The following TMEM200B variants were observed in gnomAD, a reference collection of about 807,000 sequenced individuals.
TMEM200B encodes transmembrane protein TTMA.
A neutral mutation model predicts 17.6 loss-of-function variants in TMEM200B; 12 were observed. The observed-to-expected ratio is 0.68, with a 90% CI of 0.44 to 1.11. The LOEUF is 1.11. Among genes scored for constraint, TMEM200B ranks in the 50% least tolerant of loss-of-function variants. TMEM200B has a pLI of 0.00. For missense variants in TMEM200B, 456 were observed against 447.6 expected (o/e 1.02, Z -0.17); for synonymous variants, 234 against 209.2 (o/e 1.12, Z -1.02).
At chr1:29,123,282 C>A (rs1330419050) in intron 1 of TMEM200B, among the ~76,000 whole-genome samples, 1 of 152,214 alleles carries the variant, frequency 6.6e-6, no homozygotes. Flanking sequence ...GCCGGGGAGA[C>A]TGCCCGACCC....
rs1212890397 is a variant in TMEM200B at position 29,121,145 on chromosome 1, G to T, written c.684C>A (p.Gly228=). 6.2e-7 allele frequency: 1 copy of T among 1,613,720 alleles called. No homozygotes were observed. Among genetic ancestry groups the T allele is most frequent in the African/African-American group, 1.3e-5 (1 of 75,068 alleles). ...PALLNSYPLK[G]PGLPPPWGPR... ...GACCCCAGGGTGGGGGCAGCCCGGG[G>T]CCCTTCAGCGGGTAGCTGTTGAGCA... The change falls in exon 2 of 2, where the codon GGC becomes GGA. Residue 228 remains glycine, a synonymous_variant. Coordinates refer to ENST00000521452, the MANE Select transcript of TMEM200B (RefSeq NM_001003682.4). The surrounding 1 kb of genome is among the most constrained non-coding windows in gnomAD (Gnocchi z 5.6).
Position 29,120,793 on chromosome 1 carries a change from TCCC to T in TMEM200B, c.*109_*111del, listed in dbSNP as rs1671728118. 6.7e-6 allele frequency: 9 copies of T among 1,341,280 alleles called. No individual in the cohort carries two copies. The highest frequency in any genetic ancestry group is 8.0e-6 in the Non-Finnish European group (8 of 999,532). 83.1% of individuals were successfully genotyped at this position (1,341,280 alleles called of 1,614,324 possible). On this transcript the variant is annotated 3_prime_UTR_variant, in exon 2 of 2. Transcript: ENST00000521452. ...ACAGCTGCTGTGGTCAGAGCATCCATCCCCAGCCTGGGATGTGACTGAAACATC... is the reference window on the plus strand; with the variant it reads ...ACAGCTGCTGTGGTCAGAGCATCCATCAGCCTGGGATGTGACTGAAACATC...
At chr1:29,123,251 T>A (rs1055969518) in intron 1 of TMEM200B, among the ~76,000 whole-genome samples, 1 of 152,196 alleles carries the variant, frequency 6.6e-6, no homozygotes, top group South Asian at 2.1e-4. Context: ...GTTTCACAGA[T>A]TGCAACTACG....
At position 29,121,645 on chromosome 1, in the gene TMEM200B, C is replaced by A. The variant is rs1671789524; in HGVS notation, c.184G>T (p.Val62Leu). ...SGAFAALGAL[V>L]VLVGMGIAVA... The stretch of plus-strand genomic sequence containing the variant: ...GCAATGCCCATACCCACCAGTACCA[C>A]GAGCGCCCCCAGCGCCGCGAACGCC... The change falls in exon 2 of 2, where the codon GTG (valine) becomes TTG (leucine). Residue 62 changes from valine (V) to leucine (L), a missense_variant. Val to Leu is a conservative substitution (Grantham distance 32). Transcript: ENST00000521452. This position sits in a 1 kb window ranked among gnomAD's most constrained non-coding sequence, Gnocchi z 5.6. The A allele has an allele frequency of 1.4e-6, 2 of 1,456,994 alleles. No homozygotes were observed. Among genetic ancestry groups the A allele is most frequent in the Non-Finnish European group, 9.0e-7 (1 of 1,112,268 alleles). The allele number at this position is 1,456,994 out of a possible 1,614,324, so 90.3% of individuals were successfully genotyped here.
chr1:29,123,875 C>A lies in TMEM200B; in HGVS notation c.-40G>T, dbSNP rs1379701250. ...GCTCACCTGGCGCCGCAGCGCCGCGCGGGTCCGGGTCCCAGTCCGCGCGCG... is the reference window on the plus strand; with the variant it reads ...GCTCACCTGGCGCCGCAGCGCCGCGAGGGTCCGGGTCCCAGTCCGCGCGCG... On this transcript the variant is annotated 5_prime_UTR_variant, in exon 1 of 2. Transcript: ENST00000521452. 3 of 151,976 alleles carry A rather than the reference C, an allele frequency of 2.0e-5. No individual in the cohort carries two copies. The highest frequency in any genetic ancestry group is 4.4e-5 in the Non-Finnish European group (3 of 67,884). The allele number at this position is 151,976 out of a possible 1,614,324, so 9.4% of individuals were successfully genotyped here.
chr1:29,122,564 T>G (rs942621120), intron 1 of TMEM200B: 1 of 152,308 alleles, frequency 6.6e-6, no homozygotes, highest in Non-Finnish European at 1.5e-5. Flanking sequence ...AGTCCACGCA[T>G]GAGAGGCCTC....
Position 29,121,903 on chromosome 1 carries a change from G to C in TMEM200B, c.-20-55C>G. ...GGACCGACGGGCCTCTAGCTTCAGG[G>C]CGCCAGGTTCGGGGCGCAAATCCGG... is the stretch of plus-strand genomic sequence containing the variant. On this transcript the variant is annotated intron_variant, in intron 1 of 1. Coordinates refer to ENST00000521452, the MANE Select transcript of TMEM200B (RefSeq NM_001003682.4). This position sits in a 1 kb window ranked among gnomAD's most constrained non-coding sequence, Gnocchi z 5.6. 1 of 1,159,686 alleles carries C rather than the reference G, an allele frequency of 8.6e-7. No individual in the cohort carries two copies. Among genetic ancestry groups the C allele is most frequent in the Non-Finnish European group, 1.1e-6 (1 of 934,624 alleles). 71.8% of individuals were successfully genotyped at this position (1,159,686 alleles called of 1,614,324 possible). A position where few individuals can be genotyped will look rare whatever the true frequency, so the allele number is the denominator to read the frequency against.
intron 1 of TMEM200B, among the ~76,000 whole-genome samples, chr1:29,122,883 C>A (rs1461131388): frequency 1.3e-5 from 2 of 152,232 alleles, no homozygotes; most frequent in Non-Finnish European, 2.9e-5. Context: ...CCGCGCCCTG[C>A]CTGCGGCCTG....
chr1:29,121,655 C>T lies in TMEM200B; in HGVS notation c.174G>A (p.Leu58=), dbSNP rs753236925. 3.5e-6 allele frequency: 5 copies of T among 1,428,404 alleles called. No homozygotes were observed. Among genetic ancestry groups the T allele is most frequent in the Non-Finnish European group, 4.6e-6 (5 of 1,095,344 alleles). 88.5% of individuals were successfully genotyped at this position (1,428,404 alleles called of 1,614,324 possible). A position where few individuals can be genotyped will look rare whatever the true frequency, so the allele number is the denominator to read the frequency against. Reference sequence around the variant, plus strand: ...TACCCACCAGTACCACGAGCGCCCCCAGCGCCGCGAACGCCCCCGACGGCG... The same window carrying T: ...TACCCACCAGTACCACGAGCGCCCCTAGCGCCGCGAACGCCCCCGACGGCG... ...LRSPSGAFAA[L]GALVVLVGMG... is the part of the protein sequence containing the mutation. Residue 58 remains leucine, a synonymous_variant, in exon 2 of 2, where the codon CTG becomes CTA. Transcript: ENST00000521452. The surrounding 1 kb of genome is among the most constrained non-coding windows in gnomAD (Gnocchi z 5.6).
At position 29,121,566 on chromosome 1, in the gene TMEM200B, T is replaced by C. The variant is rs1671783926; in HGVS notation, c.263A>G (p.Asn88Ser). ...CTCGCTCATCTGGGGCGAGCTGGCA[T>C]TGGCGGCCCGGGACCCTGGGGCCCC... ...RAGAPGSRAA[N>S]ASSPQMSELR... Residue 88 changes from asparagine to serine, a missense_variant, in exon 2 of 2, where the codon AAT (asparagine) becomes AGT (serine). Coordinates refer to ENST00000521452, the MANE Select transcript of TMEM200B (RefSeq NM_001003682.4). This position sits in a 1 kb window ranked among gnomAD's most constrained non-coding sequence, Gnocchi z 5.6. 2.0e-6 allele frequency: 3 copies of C among 1,501,316 alleles called. No homozygotes were observed. The highest frequency in any genetic ancestry group is 1.8e-6 in the Non-Finnish European group (2 of 1,134,532). 93.0% of individuals were successfully genotyped at this position (1,501,316 alleles called of 1,614,324 possible).
In TMEM200B at chr1:29,121,165, T is replaced by A. The variant is rs1387473112; in HGVS notation, c.664A>T (p.Asn222Tyr). ...NPRLGLPALL[N>Y]SYPLKGPGLP... is the part of the protein sequence containing the mutation. The stretch of plus-strand genomic sequence containing the variant: ...CCGGGGCCCTTCAGCGGGTAGCTGT[T>A]GAGCAAGGCAGGTAACCCCAAGCGA... Residue 222 changes from asparagine (N) to tyrosine (Y), a missense_variant, in exon 2 of 2, where the codon AAC becomes TAC. Asn to Tyr is a moderately radical substitution (Grantham distance 143). Transcript: ENST00000521452. This position sits in a 1 kb window ranked among gnomAD's most constrained non-coding sequence, Gnocchi z 5.6. The A allele has an allele frequency of 6.2e-7, 1 of 1,613,482 alleles. No individual in the cohort carries two copies. The highest frequency in any genetic ancestry group is 1.3e-5 in the African/African-American group (1 of 74,932).
rs1671800345 is a variant in TMEM200B, at chr1:29,121,772, G to A, written c.57C>T (p.Arg19=). 11 of 1,239,588 alleles carry A rather than the reference G, an allele frequency of 8.9e-6. No individual in the cohort carries two copies. The highest frequency in any genetic ancestry group is 3.1e-5 in the East Asian group (1 of 32,186). The allele number at this position is 1,239,588 out of a possible 1,614,324, so 76.8% of individuals were successfully genotyped here. Residue 19 remains arginine, a synonymous_variant, in exon 2 of 2, where the codon CGC becomes CGT. Coordinates refer to ENST00000521452, the MANE Select transcript of TMEM200B (RefSeq NM_001003682.4). The surrounding 1 kb of genome is among the most constrained non-coding windows in gnomAD (Gnocchi z 5.6). ...CCAGGCGGCGGCCCAAGCGAGAGAC[G>A]CGGCCCTCGGGGCTCCTCCGCACCT... The part of the protein sequence containing the change: ...CGEVRRSPEG[R]VSRLGRRLGR...
rs1671902288 is a variant in TMEM200B, at chr1:29,123,844, AGCTCG to A, written c.-21+7_-21+11del. On this transcript the variant is annotated splice_region_variant and intron_variant, in intron 1 of 1. Transcript: ENST00000521452. Reference sequence around the variant, plus strand: ...AGTGGAGTGCGGACCCCTGGACCCCAGCTCGGCTCACCTGGCGCCGCAGCGCCGCG... The same window carrying A: ...AGTGGAGTGCGGACCCCTGGACCCCAGCTCACCTGGCGCCGCAGCGCCGCG... The A allele has an allele frequency of 6.6e-6, 1 of 151,856 alleles. No homozygotes were observed. The highest frequency in any genetic ancestry group is 1.5e-5 in the Non-Finnish European group (1 of 67,948). The allele number at this position is 151,856 out of a possible 1,614,324, so 9.4% of individuals were successfully genotyped here. A position where few individuals can be genotyped will look rare whatever the true frequency, so the allele number is the denominator to read the frequency against.
chr1:29,122,167 C>G (rs2151803519), intron 1 of TMEM200B, among the ~76,000 whole-genome samples: 1 of 152,286 alleles, frequency 6.6e-6, no homozygotes, highest in Non-Finnish European at 1.5e-5. Flanking sequence ...TGCGTCCGGT[C>G]CGCAAGCCCG....
rs776309950 is a variant in TMEM200B at position 29,120,939 on chromosome 1, A to T, written c.890T>A (p.Leu297Ter). 6.2e-7 allele frequency: 1 copy of T among 1,609,824 alleles called. No homozygotes were observed. Among genetic ancestry groups the T allele is most frequent in the South Asian group, 1.1e-5 (1 of 90,862 alleles). ...DRLSLGGYAK[L>*]GGGGDLGARV The stretch of plus-strand genomic sequence containing the variant: ...GGCCCCCAAGTCCCCTCCTCCTCCC[A>T]ATTTGGCATAGCCCCCAAGACTGAG... Residue 297 changes from leucine (L) to a stop codon, truncating the protein, a stop_gained, in exon 2 of 2, where the codon TTG becomes TAG. Coordinates refer to ENST00000521452, the MANE Select transcript of TMEM200B (RefSeq NM_001003682.4). LOFTEE classifies it high-confidence loss of function.
chr1:29,119,524 T>TA lies in TMEM200B; in HGVS notation c.*1380_*1381insT, dbSNP rs1414454922. The TA allele has an allele frequency of 2.6e-5, 4 of 152,222 alleles. No homozygotes were observed. Among genetic ancestry groups the TA allele is most frequent in the African/African-American group, 9.7e-5 (4 of 41,436 alleles). The allele number at this position is 152,222 out of a possible 1,614,324, so 9.4% of individuals were successfully genotyped here. A position where few individuals can be genotyped will look rare whatever the true frequency, so the allele number is the denominator to read the frequency against. ...CCCACCCACAAAGCAAGACCTGTATTTATAAGCCGAGGGCTCAGGGAGCCT... is the reference window on the plus strand; with the variant it reads ...CCCACCCACAAAGCAAGACCTGTATTATATAAGCCGAGGGCTCAGGGAGCCT... On this transcript the variant is annotated 3_prime_UTR_variant, in exon 2 of 2. Coordinates refer to ENST00000521452, the MANE Select transcript of TMEM200B (RefSeq NM_001003682.4).
In TMEM200B at chr1:29,120,993, G is replaced by A; in HGVS notation, c.836C>T (p.Ala279Val). The change falls in exon 2 of 2, where the codon GCT becomes GTT. Residue 279 changes from alanine to valine, a missense_variant. Physicochemically the swap from Ala to Val is moderately conservative, Grantham distance 64. Coordinates refer to ENST00000521452, the MANE Select transcript of TMEM200B (RefSeq NM_001003682.4). ...LLGAPAARDC[A>V]HRSWPRLDRL... ...GTCCAGCCGTGGCCAGCTTCGGTGA[G>A]CACAGTCCCGAGCTGCTGGGGCCCC... 1 of 1,613,752 alleles carries A rather than the reference G, an allele frequency of 6.2e-7. No homozygotes were observed. Among genetic ancestry groups the A allele is most frequent in the Non-Finnish European group, 8.5e-7 (1 of 1,180,018 alleles).
At chr1:29,123,777 G>C (rs987743820) in intron 1 of TMEM200B, 79 bp downstream of exon 1, 1 of 8,716 alleles carries the variant, frequency 1.1e-4, no homozygotes, top group Non-Finnish European at 5.2e-4. Flanking sequence ...CTGACCGAGG[G>C]AGGGAGGGAG....
In TMEM200B at chr1:29,120,953, C is replaced by T. The variant is rs1671738676; in HGVS notation, c.876G>A (p.Gly292=). The T allele has an allele frequency of 3.7e-6, 6 of 1,613,224 alleles. No individual in the cohort carries two copies. Among genetic ancestry groups the T allele is most frequent in the Non-Finnish European group, 5.1e-6 (6 of 1,179,730 alleles). Residue 292 remains glycine, a synonymous_variant, in exon 2 of 2, where the codon GGG becomes GGA. Coordinates refer to ENST00000521452, the MANE Select transcript of TMEM200B (RefSeq NM_001003682.4). ...CTCCTCCTCCCAATTTGGCATAGCC[C>T]CCAAGACTGAGGCGGTCCAGCCGTG... ...SWPRLDRLSL[G]GYAKLGGGGD...
Sources: allele counts gnomAD v4.1 joint callset (sites outside exome capture counted in the v4.1 genomes callset), GRCh38; gene constraint gnomAD v4.1.1; non-coding constraint Gnocchi (gnomAD v3.1); transcripts MANE v1.5; gene names NCBI Gene and HGNC (gene_info 2026-07-23, HGNC 2026-07-21).